COL21A1: variants seen among roughly 807,000 people sequenced by gnomAD.
The protein encoded by COL21A1 is collagen alpha-1(XXI) chain.
Under a neutral mutation model 137.9 loss-of-function variants are expected in COL21A1, and 149 were observed. That is an observed-to-expected ratio of 1.08 (90% CI 0.95 to 1.24). COL21A1 has a LOEUF of 1.24. Ranked by LOEUF, COL21A1 falls within the 50% of genes most tolerant of loss-of-function variation. The probability of loss-of-function intolerance (pLI) is 0.00; values close to 1 mark genes in which losing one functional copy is unlikely to be tolerated. For missense variants in COL21A1, 1,167 were observed against 1,158.4 expected (o/e 1.01, Z -0.11); for synonymous variants, 456 against 391.5 (o/e 1.16, Z -1.95).
intron 1 of COL21A1, among the ~76,000 whole-genome samples, chr6:56,325,625 C>A (rs1227566261): frequency 2.4e-3 from 1 of 420 alleles, no homozygotes; most frequent in Non-Finnish European, 0.013. Context: ...ATATAATAAT[C>A]TATTATATAT....
At chr6:56,166,377 C>A (rs1431808854) in intron 7 of COL21A1, among the ~76,000 whole-genome samples, 1 of 152,048 alleles carries the variant, frequency 6.6e-6, no homozygotes, top group African/African-American at 2.4e-5. Flanking sequence ...ACTGACAGGG[C>A]GTGGTGGCTC....
Position 56,211,063 on chromosome 6 carries a change from TA to T in COL21A1, c.-38-28408del, listed in dbSNP as rs548735134. Reference sequence around the variant, plus strand: ...AAGTCCTTAAGTATTCAACTGGATATATAAGCTTTATGTAGAATTCTATATA... The same window carrying T: ...AAGTCCTTAAGTATTCAACTGGATATTAAGCTTTATGTAGAATTCTATATA... On this transcript the variant is annotated intron_variant, in intron 1 of 29. Transcript: ENST00000244728. 1.5e-3 allele frequency among the ~76,000 whole-genome samples: 232 copies of T among 150,874 alleles called. 2 individuals carry two copies. The highest frequency in any genetic ancestry group is 5.4e-3 in the African/African-American group (222 of 41,306).
chr6:56,283,898 T>TCC (rs1281192126), intron 1 of COL21A1, among the ~76,000 whole-genome samples: 1 of 151,958 alleles, frequency 6.6e-6, no homozygotes, highest in African/African-American at 2.4e-5. Flanking sequence ...TCTCTCTCTC[T>TCC]CTCTCTCCAG....
intron 1 of COL21A1, among the ~76,000 whole-genome samples, chr6:56,312,598 A>C (rs1473449275): frequency 2.0e-5 from 3 of 152,242 alleles, no homozygotes; most frequent in Admixed American, 1.3e-4. Flanking sequence ...AGCTCACAAT[A>C]GCCAGGAATA....
At chr6:56,324,970 A>C (rs1287561862) in intron 1 of COL21A1, among the ~76,000 whole-genome samples, 1 of 151,716 alleles carries the variant, frequency 6.6e-6, no homozygotes, top group Non-Finnish European at 1.5e-5. Flanking sequence ...GAAGGGTCAC[A>C]AAGAATATGA....
At chr6:56,061,179 T>A in intron 25 of COL21A1, 142 bp from the exon 26 acceptor site, 1 of 708,562 alleles carries the variant, frequency 1.4e-6, no homozygotes, top group Non-Finnish European at 2.2e-6. Flanking sequence ...GGAAATATTG[T>A]CATTGACCAG....
intron 10 of COL21A1, among the ~76,000 whole-genome samples, chr6:56,154,616 A>G (rs553737675): frequency 5.9e-5 from 9 of 152,180 alleles, no homozygotes; most frequent in African/African-American, 1.9e-4. Context: ...ACCACTCACA[A>G]TCATGAAACA....
intron 1 of COL21A1, among the ~76,000 whole-genome samples, chr6:56,308,682 T>C (rs938392714): frequency 6.6e-6 from 1 of 152,206 alleles, no homozygotes; most frequent in Non-Finnish European, 1.5e-5. Flanking sequence ...TTAAGAATAA[T>C]ATATTGTACA....
intron 17 of COL21A1, among the ~76,000 whole-genome samples, chr6:56,091,870 C>T (rs950426958): frequency 2.0e-5 from 3 of 152,106 alleles, no homozygotes; most frequent in East Asian, 1.9e-4. Context: ...TTTTCTGTTA[C>T]GGTTTTTTCA....
intron 1 of COL21A1, among the ~76,000 whole-genome samples, chr6:56,384,146 T>C (rs191419670): frequency 3.2e-4 from 49 of 152,262 alleles, no homozygotes; most frequent in Non-Finnish European, 6.0e-4. Context: ...CACTTAATGA[T>C]TGGTGTCTCC....
chr6:56,141,724 A>G, intron 12 of COL21A1, 61 bp downstream of exon 12: 3 of 1,542,184 alleles, frequency 1.9e-6, no homozygotes, highest in Non-Finnish European at 1.8e-6. Context: ...AAACCATCAC[A>G]GCTAACATCC....
At chr6:56,073,398 T>A (rs1415228426) in intron 20 of COL21A1, among the ~76,000 whole-genome samples, 4 of 151,406 alleles carry the variant, frequency 2.6e-5, no homozygotes, top group African/African-American at 4.8e-5. Flanking sequence ...CATGTCTTTT[T>A]TTTCTCTCTC....
At chr6:56,183,170 A>G (rs943785470) in intron 1 of COL21A1, among the ~76,000 whole-genome samples, 41 of 152,206 alleles carry the variant, frequency 2.7e-4, no homozygotes, top group Non-Finnish European at 4.7e-4. Flanking sequence ...GTTTTCATAC[A>G]CCATCTAAAA....
At chr6:56,181,186 G>A (rs983196248) in intron 2 of COL21A1, among the ~76,000 whole-genome samples, 20 of 152,266 alleles carry the variant, frequency 1.3e-4, no homozygotes, top group African/African-American at 4.3e-4. Flanking sequence ...ACTGCAGGTG[G>A]TAGTATCCTC....
chr6:56,059,243 C>T lies in COL21A1; in HGVS notation c.2609-1G>A. On this transcript the variant is annotated splice_acceptor_variant, in intron 28 of 29. Transcript: ENST00000244728. LOFTEE classifies it high-confidence loss of function. ...TTTTCCCCATTTCTTCCTGGTAGGC[C>T]TGCAGGGTGTCAAACATCTGAGTAA... 6.3e-7 allele frequency: 1 copy of T among 1,594,396 alleles called. No homozygotes were observed. Among genetic ancestry groups the T allele is most frequent in the Non-Finnish European group, 8.5e-7 (1 of 1,173,558 alleles).
intron 1 of COL21A1, among the ~76,000 whole-genome samples, chr6:56,385,129 G>T (rs996372250): frequency 1.3e-5 from 2 of 152,218 alleles, no homozygotes; most frequent in African/African-American, 2.4e-5. Flanking sequence ...TCGTGGAGAG[G>T]TTAGTAGGGA....
chr6:56,271,439 G>C (rs181559510), intron 1 of COL21A1, among the ~76,000 whole-genome samples: 42 of 152,268 alleles, frequency 2.8e-4, no homozygotes, highest in African/African-American at 1.0e-3. Context: ...TCAGTTATAT[G>C]CATTCACAAA....
At chr6:56,262,943 G>T (rs1763313505) in intron 1 of COL21A1, among the ~76,000 whole-genome samples, 1 of 152,126 alleles carries the variant, frequency 6.6e-6, no homozygotes, top group Admixed American at 6.5e-5. Flanking sequence ...TTTGGTTCAG[G>T]TTCTTGTAAT....
chr6:56,344,768 G>C (rs1034835918), intron 1 of COL21A1, among the ~76,000 whole-genome samples: 12 of 152,138 alleles, frequency 7.9e-5, no homozygotes, highest in African/African-American at 2.9e-4. Context: ...CATGAGATCT[G>C]GTTGTTTAAA....
Sources: allele counts gnomAD v4.1 joint callset (sites outside exome capture counted in the v4.1 genomes callset), GRCh38; gene constraint gnomAD v4.1.1; transcripts MANE v1.5; gene names NCBI Gene and HGNC (gene_info 2026-07-23, HGNC 2026-07-21).